The following ACTR3 variants were observed in gnomAD, a reference collection of about 807,000 sequenced individuals.
The protein encoded by ACTR3 is actin-related protein 3.
ACTR3 carries 12 observed loss-of-function variants against 56.8 expected under a neutral mutation model. The ratio of observed to expected loss-of-function variants is 0.21; its 90% CI spans 0.14 to 0.34. The LOEUF is 0.34. ACTR3 is among the 10% of genes least tolerant of loss of function. The pLI is 1.00. For missense variants in ACTR3, 282 were observed against 512.5 expected (o/e 0.55, Z 4.34); for synonymous variants, 162 against 167.4 (o/e 0.97, Z 0.25).
At chr2:113,941,566 CAA>C (rs903861853) in intron 7 of ACTR3, among the ~76,000 whole-genome samples, 47 of 151,846 alleles carry the variant, frequency 3.1e-4, no homozygotes, top group African/African-American at 1.1e-3. Flanking sequence ...AAAAATAAAA[CAA>C]ATATTGGTTG....
chr2:113,925,377 G>T (rs899645916), intron 3 of ACTR3, among the ~76,000 whole-genome samples: 1 of 151,620 alleles, frequency 6.6e-6, no homozygotes, highest in Non-Finnish European at 1.5e-5. Context: ...TGTATTTTTA[G>T]TGGAGACGGG....
chr2:113,890,558 C>G, intron 1 of ACTR3: 5 of 1,371,442 alleles, frequency 3.6e-6, no homozygotes, highest in Non-Finnish European at 4.7e-6. Context: ...CCAACCCTCC[C>G]AGCGGCTTTC....
At chr2:113,933,585 G>C (rs1476693608) in intron 5 of ACTR3, among the ~76,000 whole-genome samples, 1 of 152,188 alleles carries the variant, frequency 6.6e-6, no homozygotes, top group Non-Finnish European at 1.5e-5. Flanking sequence ...ACTGGAGGTA[G>C]GGTGGTTGTG....
intron 3 of ACTR3, among the ~76,000 whole-genome samples, chr2:113,924,197 G>A (rs1043665510): frequency 6.6e-6 from 1 of 151,628 alleles, no homozygotes; most frequent in Non-Finnish European, 1.5e-5. Flanking sequence ...AGCCTCCTGA[G>A]TAGCGGGGAC....
chr2:113,907,525 C>G (rs935482463), intron 1 of ACTR3, among the ~76,000 whole-genome samples: 3 of 152,176 alleles, frequency 2.0e-5, no homozygotes, highest in Non-Finnish European at 4.4e-5. Flanking sequence ...AGTGCTGGGA[C>G]TACAGGCGTG....
chr2:113,893,093 T>C (rs991193153), intron 1 of ACTR3, among the ~76,000 whole-genome samples: 1 of 152,218 alleles, frequency 6.6e-6, no homozygotes, highest in Non-Finnish European at 1.5e-5. Context: ...GGCACATAGA[T>C]TCCCATTGGT....
intron 9 of ACTR3, 53 bp downstream of exon 9, chr2:113,951,624 C>T: frequency 2.0e-6 from 3 of 1,536,880 alleles, no homozygotes; most frequent in Non-Finnish European, 1.8e-6. Flanking sequence ...AACTTAAACA[C>T]CTCTCATAAA....
At chr2:113,956,030 G>A (rs989999328) in intron 11 of ACTR3, among the ~76,000 whole-genome samples, 1 of 152,000 alleles carries the variant, frequency 6.6e-6, no homozygotes, top group Non-Finnish European at 1.5e-5. Flanking sequence ...GTTTACAGGT[G>A]TGAGCCACTG....
intron 8 of ACTR3, among the ~76,000 whole-genome samples, chr2:113,946,749 A>C (rs1404932233): frequency 6.6e-6 from 1 of 152,144 alleles, no homozygotes; most frequent in African/African-American, 2.4e-5. Context: ...TTCATCATGG[A>C]ATCTTTGCCC....
intron 1 of ACTR3, among the ~76,000 whole-genome samples, chr2:113,902,960 A>G (rs1248907708): frequency 6.6e-6 from 1 of 152,220 alleles, no homozygotes; most frequent in Non-Finnish European, 1.5e-5. Flanking sequence ...AAGCTAATTA[A>G]TGTATTTGTT....
At chr2:113,933,459 G>A (rs911853210) in intron 5 of ACTR3, among the ~76,000 whole-genome samples, 2 of 152,150 alleles carry the variant, frequency 1.3e-5, no homozygotes, top group Non-Finnish European at 2.9e-5. Context: ...GGTGAGCCGA[G>A]ATCGTGCCAC....
intron 1 of ACTR3, among the ~76,000 whole-genome samples, chr2:113,902,945 C>A (rs1267295196): frequency 6.6e-6 from 1 of 152,212 alleles, no homozygotes; most frequent in Non-Finnish European, 1.5e-5. Flanking sequence ...ATGAGTCTTA[C>A]AATCAAGCTA....
chr2:113,946,850 C>A (rs1448167053), intron 8 of ACTR3, among the ~76,000 whole-genome samples: 1 of 152,154 alleles, frequency 6.6e-6, no homozygotes, highest in Non-Finnish European at 1.5e-5. Context: ...AATTAACTTT[C>A]TTGTTATACA....
chr2:113,942,160 G>A (rs754457232), intron 7 of ACTR3, 26 bp from the exon 8 acceptor site: 8 of 1,530,880 alleles, frequency 5.2e-6, no homozygotes, highest in African/African-American at 1.4e-5. Flanking sequence ...AGCAAAAAAA[G>A]TTACTTTTGT....
At chr2:113,948,389 A>T (rs550270917) in intron 8 of ACTR3, among the ~76,000 whole-genome samples, 2 of 152,212 alleles carry the variant, frequency 1.3e-5, no homozygotes, top group South Asian at 4.1e-4. Flanking sequence ...GGCTCGAGCA[A>T]TTCACCCATC....
rs561526635 is a variant in ACTR3, at chr2:113,890,654, C to A, written c.44+331C>A. 498 of 1,225,398 alleles carry A rather than the reference C, an allele frequency of 4.1e-4. 3 individuals are homozygous for A. In the African/African-American group the frequency reaches 7.0e-3, roughly 17 times the overall value. The allele number at this position is 1,225,398 out of a possible 1,614,324, so 75.9% of individuals were successfully genotyped here. On this transcript the variant is annotated intron_variant, in intron 1 of 11. Coordinates refer to ENST00000263238, the MANE Select transcript of ACTR3 (RefSeq NM_005721.5). ...TGGGGACGGTCGTCTTGGGGGTGGT[C>A]CCCGGGCCCGACCCATCCGGCTTTC... is the stretch of plus-strand genomic sequence containing the variant.
chr2:113,962,172 A>G lies in ACTR3; in HGVS notation c.*4717A>G, dbSNP rs890921011. On this transcript the variant is annotated 3_prime_UTR_variant, in exon 12 of 12. Coordinates refer to ENST00000263238, the MANE Select transcript of ACTR3 (RefSeq NM_005721.5). ...CTTTTTTTCTGTTCCACTAGTTTCT[A>G]CCTTAGAAGTGACATTCTGCGTAAG... 6.6e-6 allele frequency: 1 copy of G among 151,982 alleles called. No homozygotes were observed. The highest frequency in any genetic ancestry group is 1.5e-5 in the Non-Finnish European group (1 of 67,904). 9.4% of individuals were successfully genotyped at this position (151,982 alleles called of 1,614,324 possible). A position where few individuals can be genotyped will look rare whatever the true frequency, so the allele number is the denominator to read the frequency against.
At chr2:113,931,903 T>TC (rs1440396023) in intron 5 of ACTR3, among the ~76,000 whole-genome samples, 2 of 151,970 alleles carry the variant, frequency 1.3e-5, no homozygotes, top group African/African-American at 4.8e-5. Flanking sequence ...TTTTTTTTTT[T>TC]CCCTTGTAGC....
intron 8 of ACTR3, among the ~76,000 whole-genome samples, chr2:113,946,029 T>C (rs1405926694): frequency 1.3e-5 from 2 of 152,232 alleles, no homozygotes; most frequent in African/African-American, 4.8e-5. Flanking sequence ...CACATTTTCT[T>C]TATCCAGTCT....
Sources: gnomAD v4.1 joint callset for allele counts (sites outside exome capture counted in the v4.1 genomes callset) on GRCh38, gnomAD v4.1.1 for gene constraint, MANE v1.5 for transcripts, NCBI Gene and HGNC (gene_info 2026-07-23, HGNC 2026-07-21) for gene names.